Variants in RAB28 observed in about 807,000 individuals in gnomAD.
RAB28 encodes RAB28, member RAS oncogene family.
A neutral mutation model predicts 31.7 loss-of-function variants in RAB28; 24 were observed. The ratio of observed to expected loss-of-function variants is 0.76; its 90% CI spans 0.55 to 1.06. The LOEUF is 1.06. Ranked by LOEUF, RAB28 falls within the 50% of genes least tolerant of loss-of-function variation. The pLI, the probability that RAB28 is intolerant of heterozygous loss-of-function variation, is 0.00. For missense variants in RAB28, 254 were observed against 258.5 expected, an observed-to-expected ratio of 0.98 and a Z score of 0.12; for synonymous variants, 100 against 90.4, an observed-to-expected ratio of 1.11 and a Z score of -0.60.
At chr4:13,439,094 A>C (rs2108939049) in intron 4 of RAB28, among the ~76,000 whole-genome samples, 1 of 152,314 alleles carries the variant, frequency 6.6e-6, no homozygotes, top group African/African-American at 2.4e-5. Context: ...ATGTATGTTC[A>C]AATCTGCTGT....
rs943181719 is a variant in RAB28 at position 13,484,270 on chromosome 4, CCG to C, written c.-122_-121del. The C allele has an allele frequency of 3.4e-5, 25 of 744,798 alleles. No homozygotes were observed. The Admixed American group carries it at 3.4e-4, about 10-fold the overall frequency. The allele number at this position is 744,798 out of a possible 1,614,324, so 46.1% of individuals were successfully genotyped here. A position where few individuals can be genotyped will look rare whatever the true frequency, so the allele number is the denominator to read the frequency against. ...CGGCAGGACCCCCGCCCCGGTGTCT[CCG>C]CGCCGGCAGGAGGTATTCGAGGAGA... On this transcript the variant is annotated 5_prime_UTR_variant, in exon 1 of 7. Transcript: ENST00000330852.
At chr4:13,389,318 AGTT>A (rs1729523385) in intron 4 of RAB28, among the ~76,000 whole-genome samples, 1 of 152,132 alleles carries the variant, frequency 6.6e-6, no homozygotes, top group African/African-American at 2.4e-5. Flanking sequence ...GGAAAAAAGA[AGTT>A]GTTGTTTCAT....
At chr4:13,373,867 A>G (rs1728813866) in intron 6 of RAB28, among the ~76,000 whole-genome samples, 1 of 152,036 alleles carries the variant, frequency 6.6e-6, no homozygotes, top group Non-Finnish European at 1.5e-5. Context: ...GTACTTTCAA[A>G]CATTCCCTTG....
chr4:13,478,751 T>C (rs1306405285), intron 2 of RAB28, among the ~76,000 whole-genome samples: 1 of 151,738 alleles, frequency 6.6e-6, no homozygotes, highest in African/African-American at 2.4e-5. Context: ...AAGCCCCAAT[T>C]GTTCAGAAAC....
intron 1 of RAB28, among the ~76,000 whole-genome samples, chr4:13,482,720 G>A (rs890720286): frequency 6.6e-6 from 1 of 152,184 alleles, no homozygotes; most frequent in Admixed American, 6.5e-5. Context: ...AAGGTAATCA[G>A]AGCATATTGT....
intron 4 of RAB28, among the ~76,000 whole-genome samples, chr4:13,452,920 TTAA>T (rs1168131548): frequency 6.6e-6 from 1 of 152,080 alleles, no homozygotes; most frequent in African/African-American, 2.4e-5. Flanking sequence ...ACCTTTAGAT[TTAA>T]TAATATTTGC....
intron 4 of RAB28, among the ~76,000 whole-genome samples, chr4:13,445,400 TGCCCTGGAGA>T (rs1452183403): frequency 5.9e-5 from 9 of 152,094 alleles, no homozygotes; most frequent in Admixed American, 1.3e-4. Flanking sequence ...CCCCATTCTG[TGCCCTGGAGA>T]AGTGTTGCGA....
chr4:13,416,819 T>C (rs1712810014), intron 4 of RAB28, among the ~76,000 whole-genome samples: 1 of 152,208 alleles, frequency 6.6e-6, no homozygotes, highest in South Asian at 2.1e-4. Flanking sequence ...CCCAGTGTGA[T>C]CAACACAGAA....
At chr4:13,458,197 C>T (rs1715404397) in intron 4 of RAB28, among the ~76,000 whole-genome samples, 1 of 152,120 alleles carries the variant, frequency 6.6e-6, no homozygotes, top group East Asian at 1.9e-4. Flanking sequence ...CAAGCCATAA[C>T]ATTTTATGAT....
intron 4 of RAB28, among the ~76,000 whole-genome samples, chr4:13,395,630 G>A (rs973263207): frequency 6.6e-6 from 1 of 151,124 alleles, no homozygotes; most frequent in Non-Finnish European, 1.5e-5. Context: ...CTGATAACAA[G>A]GGAGAGAACG....
rs190128228 is a variant in RAB28, at chr4:13,473,932, T to A, written c.261+386A>T. ...CATAGACATATAGATATACTTTCAG[T>A]CCTTGTAACTTAAAATGAAGTTAAA... is the stretch of plus-strand genomic sequence containing the variant. On this transcript the variant is annotated intron_variant, in intron 3 of 6. Coordinates refer to ENST00000330852, the MANE Select transcript of RAB28 (RefSeq NM_001017979.3). 9 of 362,440 alleles carry A rather than the reference T, an allele frequency of 2.5e-5. No homozygotes were observed. The Admixed American group carries it at 3.2e-4, about 13-fold the overall frequency. 22.5% of individuals were successfully genotyped at this position (362,440 alleles called of 1,614,324 possible).
chr4:13,373,989 A>G (rs564199520), intron 6 of RAB28, among the ~76,000 whole-genome samples: 94 of 151,102 alleles, frequency 6.2e-4, no homozygotes, highest in African/African-American at 2.0e-3. Flanking sequence ...GTGTGTGTGT[A>G]TATATATATA....
At chr4:13,412,440 T>C (rs1303768739) in intron 4 of RAB28, among the ~76,000 whole-genome samples, 1 of 151,480 alleles carries the variant, frequency 6.6e-6, no homozygotes, top group Non-Finnish European at 1.5e-5. Context: ...AATTAAAATA[T>C]ATATTCTCAC....
chr4:13,427,414 C>G (rs1219946983), intron 4 of RAB28, among the ~76,000 whole-genome samples: 1 of 152,132 alleles, frequency 6.6e-6, no homozygotes, highest in Non-Finnish European at 1.5e-5. Context: ...AAGAAACAAA[C>G]AAGGTAAGCT....
chr4:13,415,668 G>C (rs1021353736), intron 4 of RAB28, among the ~76,000 whole-genome samples: 1 of 151,656 alleles, frequency 6.6e-6, no homozygotes, highest in Admixed American at 6.6e-5. Flanking sequence ...CTCCAACCAC[G>C]CCACCCTGGG....
At chr4:13,369,734 C>A in intron 6 of RAB28, 9 of 835,306 alleles carry the variant, frequency 1.1e-5, no homozygotes, top group Non-Finnish European at 1.5e-5. Flanking sequence ...TAAATCAAGA[C>A]GTAGACGTGA....
chr4:13,400,453 T>C (rs1262532594), intron 4 of RAB28, among the ~76,000 whole-genome samples: 1 of 152,224 alleles, frequency 6.6e-6, no homozygotes, highest in Admixed American at 6.5e-5. Context: ...CTTTGTATCC[T>C]TGAAAATGGT....
chr4:13,468,824 C>G (rs1242778437), intron 3 of RAB28, among the ~76,000 whole-genome samples: 1 of 150,244 alleles, frequency 6.7e-6, no homozygotes, highest in Non-Finnish European at 1.5e-5. Flanking sequence ...AACCTCTAGT[C>G]AGGCTAACCA....
intron 4 of RAB28, among the ~76,000 whole-genome samples, chr4:13,390,728 C>T (rs1210594941): frequency 6.6e-6 from 1 of 152,098 alleles, no homozygotes; most frequent in Non-Finnish European, 1.5e-5. Context: ...TGGAACAGAA[C>T]AGAGGCCTCA....
Sources: allele counts gnomAD v4.1 joint callset (sites outside exome capture counted in the v4.1 genomes callset), GRCh38; gene constraint gnomAD v4.1.1; transcripts MANE v1.5; gene names NCBI Gene and HGNC (gene_info 2026-07-23, HGNC 2026-07-21).